EXOC4: variants seen among roughly 807,000 people sequenced by gnomAD.
EXOC4 encodes exocyst complex component 4.
A neutral mutation model predicts 107.2 loss-of-function variants in EXOC4; 71 were observed. The observed-to-expected ratio is 0.66, with a 90% CI of 0.55 to 0.81. The LOEUF (loss-of-function observed/expected upper bound fraction) is 0.81, where lower values mean the gene tolerates loss of function less well. Among genes scored for constraint, EXOC4 ranks in the 30% least tolerant of loss-of-function variants. The pLI is 0.00. For missense variants in EXOC4, 1,108 were observed against 1,189.6 expected, an observed-to-expected ratio of 0.93 and a Z score of 1.01; for synonymous variants, 456 against 441.2, an observed-to-expected ratio of 1.03 and a Z score of -0.42.
chr7:133,313,656 C>G lies in EXOC4; in HGVS notation c.657-3628C>G, dbSNP rs147089339. 4.2e-3 allele frequency among the ~76,000 whole-genome samples: 639 copies of G among 152,262 alleles called. 5 individuals are homozygous for G. Among genetic ancestry groups the G allele is most frequent in the African/African-American group, 0.014 (596 of 41,546 alleles). On this transcript the variant is annotated intron_variant, in intron 4 of 17. Transcript: ENST00000253861. ...AAAAAGTAGATGTTTAATAAGCTGTCAGCACTTCTAACCCCTCTTAAAAAA... is the reference window on the plus strand; with the variant it reads ...AAAAAGTAGATGTTTAATAAGCTGTGAGCACTTCTAACCCCTCTTAAAAAA...
At chr7:133,843,724 C>T (rs191579193) in intron 11 of EXOC4, among the ~76,000 whole-genome samples, 11 of 152,116 alleles carry the variant, frequency 7.2e-5, no homozygotes, top group Non-Finnish European at 1.5e-4. Flanking sequence ...TGAGAGAAGG[C>T]GTTCTTTTCT....
chr7:133,782,431 G>A (rs1314871849), intron 10 of EXOC4, among the ~76,000 whole-genome samples: 1 of 152,136 alleles, frequency 6.6e-6, no homozygotes, highest in Non-Finnish European at 1.5e-5. Flanking sequence ...TCAAAGTGAG[G>A]CAAAATTCAA....
At chr7:133,681,061 G>A (rs1794176324) in intron 10 of EXOC4, among the ~76,000 whole-genome samples, 1 of 152,124 alleles carries the variant, frequency 6.6e-6, no homozygotes, top group Admixed American at 6.5e-5. Context: ...CTTTTTGATG[G>A]TAAATAGCCT....
chr7:133,410,658 C>T (rs1249756614), intron 7 of EXOC4, among the ~76,000 whole-genome samples: 3 of 151,928 alleles, frequency 2.0e-5, no homozygotes, highest in Non-Finnish European at 4.4e-5. Context: ...TTTATTTTTC[C>T]TTCTAATAAA....
chr7:133,796,415 G>C (rs1796815564), intron 10 of EXOC4, among the ~76,000 whole-genome samples: 1 of 152,158 alleles, frequency 6.6e-6, no homozygotes, highest in African/African-American at 2.4e-5. Context: ...GGATGAACTG[G>C]ATAGCTTTGC....
At chr7:133,512,735 A>G (rs4377904) in intron 9 of EXOC4, among the ~76,000 whole-genome samples, 117,645 of 152,174 alleles carry the variant, frequency 0.77, 46,137 homozygotes, top group East Asian at 0.95. Flanking sequence ...TAAGCGTGGT[A>G]TTAGTCATCT....
chr7:133,941,820 A>AG (rs1800434753), intron 14 of EXOC4, among the ~76,000 whole-genome samples: 4 of 54,532 alleles, frequency 7.3e-5, no homozygotes, highest in Non-Finnish European at 1.5e-4. Flanking sequence ...ATGCTTACAG[A>AG]TTCTCTCTCT....
At chr7:133,385,505 A>G (rs931728631) in intron 7 of EXOC4, among the ~76,000 whole-genome samples, 6 of 152,242 alleles carry the variant, frequency 3.9e-5, no homozygotes, top group Non-Finnish European at 7.3e-5. Context: ...AGACCATTCA[A>G]GATACATTTA....
At chr7:133,347,518 A>G (rs1373613549) in intron 5 of EXOC4, among the ~76,000 whole-genome samples, 1 of 152,222 alleles carries the variant, frequency 6.6e-6, no homozygotes, top group Non-Finnish European at 1.5e-5. Flanking sequence ...CTGGGATTAC[A>G]GGCGTGAGCC....
intron 7 of EXOC4, among the ~76,000 whole-genome samples, chr7:133,413,337 CA>C (rs1797404312): frequency 6.7e-6 from 1 of 148,382 alleles, no homozygotes; most frequent in East Asian, 1.9e-4. Flanking sequence ...AAGGACTTAC[CA>C]GGGGGCATTC....
At chr7:133,823,847 A>ATATATATATATATATATAT (rs1797593223) in intron 11 of EXOC4, among the ~76,000 whole-genome samples, 1 of 2,536 alleles carries the variant, frequency 3.9e-4, no homozygotes, top group East Asian at 9.1e-3. Flanking sequence ...TATATATTAT[A>ATATATATATATATATATAT]TATATATATA....
At chr7:133,739,969 T>C (rs1052126485) in intron 10 of EXOC4, among the ~76,000 whole-genome samples, 2 of 152,164 alleles carry the variant, frequency 1.3e-5, no homozygotes, top group African/African-American at 2.4e-5. Flanking sequence ...TCATTGTTTT[T>C]AAGGGTAAAG....
At chr7:133,657,142 G>A (rs1163933621) in intron 10 of EXOC4, among the ~76,000 whole-genome samples, 2 of 152,012 alleles carry the variant, frequency 1.3e-5, no homozygotes, top group Non-Finnish European at 1.5e-5. Flanking sequence ...TGGTCCCTTC[G>A]GGTTTCATAT....
chr7:133,726,806 T>C (rs559398649), intron 10 of EXOC4, among the ~76,000 whole-genome samples: 4 of 152,338 alleles, frequency 2.6e-5, no homozygotes, highest in Admixed American at 2.6e-4. Flanking sequence ...TGGTTCCAGT[T>C]GTTCATTTTG....
At chr7:133,729,229 G>A (rs543109340) in intron 10 of EXOC4, among the ~76,000 whole-genome samples, 7 of 152,280 alleles carry the variant, frequency 4.6e-5, no homozygotes, top group Non-Finnish European at 5.9e-5. Flanking sequence ...GAGGCAAGTT[G>A]TGAGAAGAAA....
intron 10 of EXOC4, among the ~76,000 whole-genome samples, chr7:133,677,183 T>C (rs1375380526): frequency 6.6e-6 from 1 of 152,108 alleles, no homozygotes; most frequent in African/African-American, 2.4e-5. Context: ...GTTTTGAGTT[T>C]TAGGAAAAAA....
chr7:133,294,270 T>C (rs550050666), intron 3 of EXOC4, among the ~76,000 whole-genome samples: 1 of 152,294 alleles, frequency 6.6e-6, no homozygotes, highest in African/African-American at 2.4e-5. Flanking sequence ...TTTCATAAAC[T>C]TTTTTTAAGG....
chr7:133,673,560 G>T (rs1793992335), intron 10 of EXOC4, among the ~76,000 whole-genome samples: 1 of 152,082 alleles, frequency 6.6e-6, no homozygotes. Context: ...TAACATGTCT[G>T]CATTTGGAAT....
the EXOC4 span, among the ~76,000 whole-genome samples, chr7:134,099,625 G>T: frequency 2.0e-5 from 3 of 150,972 alleles, no homozygotes; most frequent in Admixed American, 2.0e-4. Flanking sequence ...CGCCCCCCGG[G>T]GTTCATGCCA....
Sources: gnomAD v4.1 joint callset for allele counts (sites outside exome capture counted in the v4.1 genomes callset) on GRCh38, gnomAD v4.1.1 for gene constraint, MANE v1.5 for transcripts, NCBI Gene and HGNC (gene_info 2026-07-23, HGNC 2026-07-21) for gene names.